CD8B: variants seen among roughly 807,000 people sequenced by gnomAD.
The protein encoded by CD8B is CD8 subunit beta.
Under a neutral mutation model 24.2 loss-of-function variants are expected in CD8B, and 6 were observed. The observed-to-expected ratio is 0.25, with a 90% CI of 0.14 to 0.49. The LOEUF (loss-of-function observed/expected upper bound fraction) is 0.49, where lower values mean the gene tolerates loss of function less well. Among genes scored for constraint, CD8B ranks in the 20% least tolerant of loss-of-function variants. The probability of loss-of-function intolerance (pLI) is 0.98; values close to 1 mark genes in which losing one functional copy is unlikely to be tolerated. For missense variants in CD8B, 196 were observed against 271.3 expected (o/e 0.72, Z 1.95); for synonymous variants, 84 against 108.3 (o/e 0.78, Z 1.39).
At chr2:86,825,879 A>G (rs1205588101) in intron 5 of CD8B, among the ~76,000 whole-genome samples, 3 of 152,012 alleles carry the variant, frequency 2.0e-5, no homozygotes, top group African/African-American at 7.2e-5. Flanking sequence ...TGCATGCTCA[A>G]CATGGTGTCA....
At chr2:86,860,847 G>A (rs1297380557) in intron 1 of CD8B, among the ~76,000 whole-genome samples, 7 of 152,122 alleles carry the variant, frequency 4.6e-5, no homozygotes, top group Non-Finnish European at 8.8e-5. Context: ...GGCTCTTCCC[G>A]GGGCCCACTT....
intron 5 of CD8B, among the ~76,000 whole-genome samples, chr2:86,816,070 C>T (rs1674231736): frequency 6.6e-6 from 1 of 152,198 alleles, no homozygotes; most frequent in South Asian, 2.1e-4. Flanking sequence ...GCATCACTGT[C>T]AATTTTATTG....
At chr2:86,837,815 A>G (rs1245931501), downstream of CD8B, among the ~76,000 whole-genome samples, 1 of 151,660 alleles carries the variant, frequency 6.6e-6, no homozygotes, top group Non-Finnish European at 1.5e-5. Context: ...AGGGGGGAAC[A>G]CCAGTGCTGC....
At chr2:86,846,852 A>G in intron 3 of CD8B, 79 bp from the exon 4 acceptor site, 1 of 890,120 alleles carries the variant, frequency 1.1e-6, no homozygotes, top group East Asian at 2.7e-5. Context: ...CAAGGAGCGA[A>G]AAATTCAACT....
rs1228383467 is a variant in CD8B at position 86,839,308 on chromosome 2, A to ATTT, written c.*2996_*2998dup. Among the ~76,000 whole-genome samples the ATTT allele has an allele frequency of 6.6e-6, 1 of 152,174 alleles. No homozygotes were observed. Among genetic ancestry groups the ATTT allele is most frequent in the East Asian group, 1.9e-4 (1 of 5,200 alleles). On this transcript the variant is annotated 3_prime_UTR_variant, in exon 6 of 6. Coordinates refer to ENST00000390655, the MANE Select transcript of CD8B (RefSeq NM_004931.5). ...ATCTGACCAGTCCCTTTTGATGGAC[A>ATTT]TTTGGATTATTTCCCATTTTTAGCT...
At chr2:86,851,008 T>C (rs1157344694) in intron 3 of CD8B, among the ~76,000 whole-genome samples, 3 of 151,646 alleles carry the variant, frequency 2.0e-5, no homozygotes, top group Non-Finnish European at 2.9e-5. Context: ...GGAGAATCAC[T>C]TGAACCTGGG....
chr2:86,822,095 C>T (rs1428754657), intron 5 of CD8B, among the ~76,000 whole-genome samples: 1 of 152,178 alleles, frequency 6.6e-6, no homozygotes, highest in Non-Finnish European at 1.5e-5. Flanking sequence ...AGGGACTGTA[C>T]CCAGGGTTTT....
At chr2:86,850,797 A>C (rs1573520442) in intron 3 of CD8B, among the ~76,000 whole-genome samples, 1 of 152,268 alleles carries the variant, frequency 6.6e-6, no homozygotes, top group East Asian at 1.9e-4. Context: ...TAGTACAAGA[A>C]ATGATGCAAG....
intron 5 of CD8B, chr2:86,833,099 T>C: frequency 6.4e-6 from 2 of 310,112 alleles, no homozygotes; most frequent in South Asian, 2.7e-5. Flanking sequence ...TGAAGATGCT[T>C]TCCTGTGTTA....
chr2:86,817,754 A>G (rs1040114524), intron 5 of CD8B, among the ~76,000 whole-genome samples: 2 of 152,202 alleles, frequency 1.3e-5, no homozygotes, highest in South Asian at 4.1e-4. Flanking sequence ...TAAAAGACTG[A>G]AGCAAATTTG....
At chr2:86,850,786 T>C (rs1434180725) in intron 3 of CD8B, among the ~76,000 whole-genome samples, 3 of 151,956 alleles carry the variant, frequency 2.0e-5, no homozygotes, top group Non-Finnish European at 2.9e-5. Flanking sequence ...TTACTGAGGG[T>C]TAGTACAAGA....
At chr2:86,838,128 T>C (rs1675252675), downstream of CD8B, among the ~76,000 whole-genome samples, 1 of 152,288 alleles carries the variant, frequency 6.6e-6, no homozygotes, top group Non-Finnish European at 1.5e-5. Context: ...GATATTTTTA[T>C]TGATTCCAAT....
intron 5 of CD8B, among the ~76,000 whole-genome samples, chr2:86,818,008 G>A (rs554686285): frequency 3.9e-5 from 6 of 152,090 alleles, no homozygotes; most frequent in Admixed American, 1.3e-4. Context: ...TCAGGAGTTC[G>A]AGACCAGCCT....
Position 86,847,018 on chromosome 2 carries a change from A to G in CD8B, c.494-245T>C, listed in dbSNP as rs1472102887. On this transcript the variant is annotated intron_variant, in intron 3 of 5. Transcript: ENST00000390655. ...AGTGGTGCATTCTCAGCTTACTGCA[A>G]CTTCCGCCTCCTGGGTTCAAGGGAT... Among the ~76,000 whole-genome samples, 23 of 140,574 alleles carry G rather than the reference A, an allele frequency of 1.6e-4. No individual in the cohort carries two copies. The Admixed American group carries it at 1.8e-3, about 11-fold the overall frequency. The allele number at this position is 140,574 out of a possible 152,430, so 92.2% of individuals were successfully genotyped here. A position where few individuals can be genotyped will look rare whatever the true frequency, so the allele number is the denominator to read the frequency against.
intron 5 of CD8B, among the ~76,000 whole-genome samples, chr2:86,844,222 A>T (rs1474282836): frequency 6.6e-6 from 1 of 151,262 alleles, no homozygotes; most frequent in Non-Finnish European, 1.5e-5. Flanking sequence ...CAGGGTAAGT[A>T]CAGGCTCTTT....
chr2:86,856,751 G>A (rs1676286346), intron 2 of CD8B, among the ~76,000 whole-genome samples: 1 of 150,826 alleles, frequency 6.6e-6, no homozygotes, highest in Non-Finnish European at 1.5e-5. Context: ...TGTCCAATAT[G>A]CCACAGGTGC....
chr2:86,845,094 A>G (rs1675613102), intron 4 of CD8B, 136 bp from the exon 5 acceptor site: 1 of 1,227,080 alleles, frequency 8.1e-7, no homozygotes. Flanking sequence ...TGGCCCAAAC[A>G]CTTTACACAT....
intron 4 of CD8B, 93 bp from the exon 5 acceptor site, chr2:86,845,051 G>A (rs575493340): frequency 7.2e-6 from 11 of 1,533,168 alleles, no homozygotes; most frequent in Admixed American, 2.0e-5. Flanking sequence ...AGGGGCAGCT[G>A]ACACCTCAGC....
chr2:86,832,402 C>T (rs1286707061), intron 5 of CD8B, among the ~76,000 whole-genome samples: 15 of 151,706 alleles, frequency 9.9e-5, no homozygotes, highest in Non-Finnish European at 1.3e-4. Context: ...CGCATGAACC[C>T]GGGAGGCAGA....
Sources: allele counts gnomAD v4.1 joint callset (sites outside exome capture counted in the v4.1 genomes callset), GRCh38; gene constraint gnomAD v4.1.1; transcripts MANE v1.5; gene names NCBI Gene and HGNC (gene_info 2026-07-23, HGNC 2026-07-21).